The following MS4A18 variants were observed in gnomAD, a reference collection of about 807,000 sequenced individuals.
MS4A18 encodes membrane-spanning 4-domains subfamily A member 18.
A neutral mutation model predicts 13.1 loss-of-function variants in MS4A18; 27 were observed. That is an observed-to-expected ratio of 2.06 (90% CI 1.52 to 2.84). The LOEUF is 2.84. Ranked by LOEUF, MS4A18 falls within the 30% of genes most tolerant of loss-of-function variation. MS4A18 has a pLI of 0.00. For missense variants in MS4A18, 307 were observed against 196.4 expected (o/e 1.56, Z -3.37); for synonymous variants, 126 against 76.5 (o/e 1.65, Z -3.38).
At chr11:60,735,809 G>A (rs574191428) in intron 2 of MS4A18, among the ~76,000 whole-genome samples, 5 of 151,046 alleles carry the variant, frequency 3.3e-5, no homozygotes, top group African/African-American at 7.3e-5. Context: ...GATTACAGGC[G>A]TGCACCACCA....
At chr11:60,727,635 T>G (rs1334219555), upstream of MS4A18, among the ~76,000 whole-genome samples, 4 of 152,144 alleles carry the variant, frequency 2.6e-5, no homozygotes, top group Admixed American at 2.6e-4. Flanking sequence ...AGAACATACC[T>G]CTGGGGTCCT....
rs118048927 is a variant in MS4A18 at position 60,733,049 on chromosome 11, C to T, written c.478-485C>T. 9.6e-3 allele frequency among the ~76,000 whole-genome samples: 1,465 copies of T among 152,344 alleles called. 16 individuals are homozygous for T. The highest frequency in any genetic ancestry group is 0.053 in the East Asian group (276 of 5,188). On this transcript the variant is annotated intron_variant, in intron 1 of 5. Transcript: ENST00000529108. ...ATTTCGGCCGACAACTATCTGAGAA[C>T]GATGTTAACATCACGTGTAGGAATG... is the stretch of plus-strand genomic sequence containing the variant.
intron 1 of MS4A18, among the ~76,000 whole-genome samples, chr11:60,731,760 G>C (rs1278774528): frequency 6.6e-6 from 1 of 152,190 alleles, no homozygotes; most frequent in African/African-American, 2.4e-5. Flanking sequence ...GATGAATCCA[G>C]TGTTTCCGAA....
At chr11:60,737,509 C>G (rs1853359651) in intron 3 of MS4A18, among the ~76,000 whole-genome samples, 1 of 152,144 alleles carries the variant, frequency 6.6e-6, no homozygotes, top group Non-Finnish European at 1.5e-5. Flanking sequence ...TTGTGTGGAC[C>G]TAGAAAAGTG....
At chr11:60,743,093 C>A (rs1393342440) in intron 5 of MS4A18, among the ~76,000 whole-genome samples, 3 of 152,248 alleles carry the variant, frequency 2.0e-5, no homozygotes, top group Non-Finnish European at 4.4e-5. Flanking sequence ...CACCTAGTCC[C>A]AAACCCAATG....
At chr11:60,744,247 G>T, downstream of MS4A18, 1 of 443,884 alleles carries the variant, frequency 2.3e-6, no homozygotes, top group East Asian at 4.4e-5. Context: ...CAAAGTTCAG[G>T]GTGCATTTTG....
chr11:60,732,859 G>A (rs2134675806), intron 1 of MS4A18, among the ~76,000 whole-genome samples: 1 of 151,880 alleles, frequency 6.6e-6, no homozygotes, highest in South Asian at 2.1e-4. Context: ...TTGCAAATAT[G>A]TAGCCTCTCA....
At chr11:60,742,764 A>C (rs1010862102) in intron 5 of MS4A18, among the ~76,000 whole-genome samples, 1 of 152,214 alleles carries the variant, frequency 6.6e-6, no homozygotes, top group African/African-American at 2.4e-5. Context: ...CTTTGCCTCT[A>C]AATACCACTT....
upstream of MS4A18, among the ~76,000 whole-genome samples, chr11:60,725,097 T>G (rs1181359451): frequency 6.6e-6 from 1 of 152,228 alleles, no homozygotes; most frequent in Non-Finnish European, 1.5e-5. Context: ...CTGGCTGCCT[T>G]GCTCCCTAAG....
At chr11:60,738,437 C>T (rs374560840) in intron 3 of MS4A18, among the ~76,000 whole-genome samples, 2 of 152,204 alleles carry the variant, frequency 1.3e-5, no homozygotes, top group South Asian at 2.1e-4. Context: ...AGTAGTTCTG[C>T]ATCTTTGCCT....
intron 5 of MS4A18, among the ~76,000 whole-genome samples, chr11:60,742,113 A>G (rs921991788): frequency 2.0e-5 from 3 of 152,170 alleles, no homozygotes; most frequent in South Asian, 2.1e-4. Context: ...TTAGGAGTCA[A>G]TTTGACTCTC....
intron 2 of MS4A18, among the ~76,000 whole-genome samples, chr11:60,736,734 T>A (rs549497120): frequency 6.6e-6 from 1 of 152,290 alleles, no homozygotes; most frequent in African/African-American, 2.4e-5. Flanking sequence ...AAATTCAGGT[T>A]TTTAGGGGAA....
At chr11:60,736,908 A>G (rs1305291157) in intron 2 of MS4A18, 70 bp from the exon 4 acceptor site, 1 of 680,704 alleles carries the variant, frequency 1.5e-6, no homozygotes, top group Non-Finnish European at 2.6e-6. Context: ...TGCGTCTCTG[A>G]GTGGACAGCT....
chr11:60,729,537 G>A, exon 1 of MS4A18: 1 of 702,766 alleles, frequency 1.4e-6, no homozygotes, highest in Non-Finnish European at 2.6e-6. Context: ...CAGGTGTACA[G>A]AGTCAACCCA....
At chr11:60,738,601 T>C (rs1853375069) in intron 3 of MS4A18, among the ~76,000 whole-genome samples, 1 of 151,978 alleles carries the variant, frequency 6.6e-6, no homozygotes, top group South Asian at 2.1e-4. Context: ...GTAAAACAAC[T>C]AACAGGTACT....
chr11:60,736,951 C>CTTTTT, intron 2 of MS4A18, 27 bp from the exon 4 acceptor site: 11 of 633,438 alleles, frequency 1.7e-5, no homozygotes, highest in South Asian at 3.5e-5. Context: ...ATTGGTCATT[C>CTTTTT]TTTTTTTTTT....
upstream of MS4A18, among the ~76,000 whole-genome samples, chr11:60,728,400 ATGTATG>A (rs1295440907): frequency 5.6e-5 from 8 of 143,900 alleles, no homozygotes; most frequent in African/African-American, 2.2e-4. Flanking sequence ...GTATGTGTGT[ATGTATG>A]TGTGTGTGTG....
exon 5 of MS4A18, chr11:60,741,051 G>A (rs1017869832): frequency 1.4e-6 from 1 of 703,000 alleles, no homozygotes; most frequent in Admixed American, 2.0e-5. Context: ...GGCGGTTTCT[G>A]GCGGTCTTCT....
chr11:60,739,325 C>T (rs1477624227), intron 4 of MS4A18, among the ~76,000 whole-genome samples: 1 of 152,048 alleles, frequency 6.6e-6, no homozygotes, highest in Non-Finnish European at 1.5e-5. Context: ...TCACCTGCCC[C>T]TAGGGGTCTC....
Sources: allele counts gnomAD v4.1 joint callset (sites outside exome capture counted in the v4.1 genomes callset), GRCh38; gene constraint gnomAD v4.1.1; transcripts MANE v1.5; gene names NCBI Gene and HGNC (gene_info 2026-07-23, HGNC 2026-07-21).